SCAF11: variants seen among roughly 807,000 people sequenced by gnomAD.
The protein encoded by SCAF11 is SR-related CTD associated factor 11, also known as protein SCAF11.
SCAF11 carries 47 observed loss-of-function variants against 140.5 expected under a neutral mutation model. The observed-to-expected ratio is 0.33, with a 90% confidence interval of 0.26 to 0.43. The LOEUF (loss-of-function observed/expected upper bound fraction) is 0.43. Among genes scored for constraint, SCAF11 ranks in the 20% least tolerant of loss-of-function variants. SCAF11 has a pLI of 1.00. For missense variants in SCAF11, 1,645 were observed against 1,705.1 expected, an observed-to-expected ratio of 0.96 and a Z score of 0.62; for synonymous variants, 557 against 579.4, an observed-to-expected ratio of 0.96 and a Z score of 0.55.
In SCAF11 at chr12:45,925,052, T is replaced by G; in HGVS notation, c.3582A>C (p.Thr1194=). The G allele has an allele frequency of 6.2e-7, 1 of 1,612,886 alleles. No individual in the cohort carries two copies. The highest frequency in any genetic ancestry group is 8.5e-7 in the Non-Finnish European group (1 of 1,178,880). Residue 1194 remains threonine, a synonymous_variant, in exon 12 of 15, where the codon ACA becomes ACC. Coordinates refer to ENST00000369367, the MANE Select transcript of SCAF11 (RefSeq NM_004719.3). ...SGQDSSLKDQ[T]NQQVDGSQLP... Reference sequence around the variant, plus strand: ...GCTGAGAACCATCAACTTGCTGGTTTGTTTGGTCTTTTAGGCTAGAATCTA... The same window carrying G: ...GCTGAGAACCATCAACTTGCTGGTTGGTTTGGTCTTTTAGGCTAGAATCTA...
chr12:45,975,192 A>G (rs1189733116), intron 1 of SCAF11: 1 of 152,226 alleles, frequency 6.6e-6, no homozygotes, highest in Non-Finnish European at 1.5e-5. Flanking sequence ...TAGATTCAGT[A>G]TAATTCTTAA....
At chr12:45,959,674 T>C (rs1216536796) in intron 3 of SCAF11, among the ~76,000 whole-genome samples, 2 of 152,236 alleles carry the variant, frequency 1.3e-5, no homozygotes, top group African/African-American at 4.8e-5. Context: ...AACATATCTA[T>C]TTTTATCACA....
Position 45,927,799 on chromosome 12 carries a change from C to G in SCAF11, c.1902G>C (p.Leu634Phe), listed in dbSNP as rs760954536. Reference protein sequence around the residue: ...RQSVKSPEVQLLGHVETEDVE... With the variant: ...RQSVKSPEVQFLGHVETEDVE... The stretch of plus-strand genomic sequence containing the variant: ...CATCTTCAGTTTCAACATGCCCAAG[C>G]AATTGAACCTCTGGGCTCTTAACAG... The change falls in exon 11 of 15, where the codon TTG becomes TTC. Residue 634 changes from leucine to phenylalanine, a missense_variant. Leu to Phe is a conservative substitution (Grantham distance 22, BLOSUM62 0). Around this residue, in one of 2 missense-constraint regions of SCAF11, gnomAD observed 1,582 missense variants for 1,609.2 expected, o/e 0.98. Coordinates refer to ENST00000369367, the MANE Select transcript of SCAF11 (RefSeq NM_004719.3). 3 of 1,613,606 alleles carry G rather than the reference C, an allele frequency of 1.9e-6. No individual in the cohort carries two copies. Among genetic ancestry groups the G allele is most frequent in the Admixed American group, 3.3e-5 (2 of 59,984 alleles).
At chr12:45,925,832 T>C (rs866270119) in intron 11 of SCAF11, among the ~76,000 whole-genome samples, 1 of 152,196 alleles carries the variant, frequency 6.6e-6, no homozygotes, top group African/African-American at 2.4e-5. Flanking sequence ...AAAGTGTACA[T>C]ATCTGAAATA....
intron 1 of SCAF11, among the ~76,000 whole-genome samples, chr12:45,972,913 T>TAG (rs879325950): frequency 5.5e-5 from 5 of 90,442 alleles, no homozygotes; most frequent in Non-Finnish European, 6.4e-5. Context: ...TATATAGATA[T>TAG]ATATATAGAT....
chr12:45,985,790 G>A (rs1008179039), intron 1 of SCAF11, among the ~76,000 whole-genome samples: 3 of 152,154 alleles, frequency 2.0e-5, no homozygotes, highest in African/African-American at 7.2e-5. Flanking sequence ...AGCAATTAGA[G>A]AAGCATCAAT....
chr12:45,940,841 C>T (rs886324564), intron 6 of SCAF11, among the ~76,000 whole-genome samples: 5 of 152,214 alleles, frequency 3.3e-5, no homozygotes, highest in Admixed American at 2.6e-4. Flanking sequence ...CTTACTCTGG[C>T]GCCCACGCTG....
Position 45,972,915 on chromosome 12 carries a change from T to TAGATATATAG in SCAF11, c.-21-8728_-21-8727insCTATATATCT, listed in dbSNP as rs1346546421. Among the ~76,000 whole-genome samples the TAGATATATAG allele has an allele frequency of 9.5e-4, 26 of 27,346 alleles. 3 individuals are homozygous for TAGATATATAG. The highest frequency in any genetic ancestry group is 1.8e-3 in the East Asian group (3 of 1,656). The allele number at this position is 27,346 out of a possible 152,430, so 17.9% of individuals were successfully genotyped here. The stretch of plus-strand genomic sequence containing the variant: ...ATAGATATATATATATATAGATATA[T>TAGATATATAG]ATATAGATATATAGATATATATAGA... On this transcript the variant is annotated intron_variant, in intron 1 of 14. Transcript: ENST00000369367.
intron 6 of SCAF11, chr12:45,934,877 CA>C (rs1204351840): frequency 2.0e-5 from 3 of 152,404 alleles, no homozygotes; most frequent in African/African-American, 7.2e-5. Flanking sequence ...ATACACTTAA[CA>C]TTTCTTTTCC....
At chr12:45,944,038 T>A (rs970538237) in intron 6 of SCAF11, among the ~76,000 whole-genome samples, 5 of 152,138 alleles carry the variant, frequency 3.3e-5, no homozygotes, top group African/African-American at 1.2e-4. Context: ...AGGCAAGAGA[T>A]AAACACTTTA....
chr12:45,960,591 C>T (rs1226243944), intron 3 of SCAF11: 1 of 152,048 alleles, frequency 6.6e-6, no homozygotes, highest in Admixed American at 6.5e-5. Context: ...CCCCAAAATA[C>T]ATTTTCACCT....
chr12:45,922,343 A>C, intron 14 of SCAF11, 120 bp downstream of exon 14: 1 of 1,485,032 alleles, frequency 6.7e-7, no homozygotes, highest in Non-Finnish European at 9.1e-7. Context: ...AAAGGCAAAA[A>C]AGTAGACAGG....
chr12:45,951,990 A>G lies in SCAF11; in HGVS notation c.220-263T>C, dbSNP rs145774568. Among the ~76,000 whole-genome samples, 305 of 152,318 alleles carry G rather than the reference A, an allele frequency of 2.0e-3. 2 individuals are homozygous for G. Among genetic ancestry groups the G allele is most frequent in the African/African-American group, 7.1e-3 (296 of 41,584 alleles). On this transcript the variant is annotated intron_variant, in intron 3 of 14. Coordinates refer to ENST00000369367, the MANE Select transcript of SCAF11 (RefSeq NM_004719.3). ...TGCTGCCCGGTTGAGAACTACTAGT[A>G]TAGTGAAAGATGAGTTGGGCTGACA...
chr12:45,952,050 C>T (rs1945563532), intron 3 of SCAF11, among the ~76,000 whole-genome samples: 1 of 152,130 alleles, frequency 6.6e-6, no homozygotes, highest in Non-Finnish European at 1.5e-5. Flanking sequence ...GGCTGTTACA[C>T]TAAACTTGGG....
At chr12:45,929,928 T>G (rs724909) in intron 10 of SCAF11, 62,366 of 151,946 alleles carry the variant, frequency 0.41, 14,037 homozygotes, top group East Asian at 0.55. Flanking sequence ...AGTCAAAAAT[T>G]GAAACAGTTT....
chr12:45,938,930 T>A (rs532593689), intron 6 of SCAF11, among the ~76,000 whole-genome samples: 1 of 148,542 alleles, frequency 6.7e-6, no homozygotes, highest in South Asian at 2.2e-4. Context: ...CAAAGATTAA[T>A]GTTCATTCCA....
chr12:45,948,524 T>G lies in SCAF11; in HGVS notation c.311A>C (p.Lys104Thr). The G allele has an allele frequency of 1.9e-6, 3 of 1,608,892 alleles. No homozygotes were observed. Among genetic ancestry groups the G allele is most frequent in the Non-Finnish European group, 2.5e-6 (3 of 1,177,260 alleles). ...LEGYVKVQVK[K>T]QLRETKDKKN... ...CTTGTCTTTTGTTTCTCTCAGCTGT[T>G]TTTTTACTTGAACCTATGAGAAAAG... is the stretch of plus-strand genomic sequence containing the variant. Residue 104 changes from lysine to threonine, a missense_variant, in exon 5 of 15, where the codon AAA becomes ACA. Lys to Thr is a moderately conservative substitution (Grantham distance 78). Around this residue, in one of 2 missense-constraint regions of SCAF11, gnomAD observed 1,582 missense variants for 1,609.2 expected, o/e 0.98. Transcript: ENST00000369367.
rs750289520 is a variant in SCAF11, at chr12:45,928,898, G to C, written c.842-39C>G. 1.5e-4 allele frequency: 189 copies of C among 1,226,654 alleles called. No homozygotes were observed. The highest frequency in any genetic ancestry group is 5.0e-4 in the South Asian group (24 of 48,350). The allele number at this position is 1,226,654 out of a possible 1,614,324, so 76.0% of individuals were successfully genotyped here. A position where few individuals can be genotyped will look rare whatever the true frequency, so the allele number is the denominator to read the frequency against. On this transcript the variant is annotated intron_variant, in intron 10 of 14. Transcript: ENST00000369367. ...AAAAAAAAAAAAAAGTAAAAAATAT[G>C]TTTTAAGAAATAGTAATTTGGCTTT...
intron 1 of SCAF11, among the ~76,000 whole-genome samples, chr12:45,984,502 C>T (rs867228330): frequency 6.6e-6 from 1 of 152,272 alleles, no homozygotes; most frequent in South Asian, 2.1e-4. Context: ...ATCATCCAAG[C>T]GTCTTCACTG....
Sources: gnomAD v4.1 joint callset for allele counts (sites outside exome capture counted in the v4.1 genomes callset) on GRCh38, gnomAD v4.1.1 for gene constraint, gnomAD v4.1.1 regional missense constraint, MANE v1.5 for transcripts, NCBI Gene and HGNC (gene_info 2026-07-23, HGNC 2026-07-21) for gene names.